Variants in FAM110B observed in about 807,000 individuals in gnomAD.
FAM110B encodes the protein family with sequence similarity 110 member B, also known as protein FAM110B.
In FAM110B, 6 loss-of-function variants were observed where a neutral mutation model predicts 20.4. That is an observed-to-expected ratio of 0.29 (90% CI 0.16 to 0.58). The LOEUF is 0.58. FAM110B is among the 20% of genes least tolerant of loss of function. The pLI, the probability that FAM110B is intolerant of heterozygous loss-of-function variation, is 0.90. For synonymous variants in FAM110B, 226 were observed against 214.1 expected (o/e 1.06, Z -0.49); for missense variants, 434 against 498.2 (o/e 0.87, Z 1.23).
chr8:58,106,431 G>A (rs1806920006), intron 3 of FAM110B: 1 of 152,138 alleles, frequency 6.6e-6, no homozygotes, highest in African/African-American at 2.4e-5. Flanking sequence ...GATGGAATTA[G>A]TCAACAAAGA....
intron 2 of FAM110B, among the ~76,000 whole-genome samples, chr8:58,044,666 A>G (rs1404267437): frequency 2.0e-5 from 3 of 152,186 alleles, no homozygotes; most frequent in Admixed American, 6.5e-5. Context: ...CAAATTAGAC[A>G]CTGACACAAT....
intron 3 of FAM110B, among the ~76,000 whole-genome samples, chr8:58,122,298 G>A (rs935080433): frequency 2.0e-5 from 3 of 152,020 alleles, no homozygotes; most frequent in Non-Finnish European, 4.4e-5. Flanking sequence ...TTGCCTTACT[G>A]TGGATTTTTT....
chr8:58,144,275 T>C (rs548235527), intron 3 of FAM110B, among the ~76,000 whole-genome samples: 1 of 152,344 alleles, frequency 6.6e-6, no homozygotes, highest in East Asian at 1.9e-4. Context: ...CTGCCTGTTC[T>C]GGCTCTGAGT....
intron 1 of FAM110B, among the ~76,000 whole-genome samples, chr8:58,006,916 TA>T (rs1392829554): frequency 9.1e-5 from 10 of 109,814 alleles, no homozygotes; most frequent in African/African-American, 3.1e-4. Flanking sequence ...TATATATATA[TA>T]TATATATTTT....
intron 3 of FAM110B, among the ~76,000 whole-genome samples, chr8:58,088,228 C>A (rs1335791884): frequency 6.6e-6 from 1 of 152,174 alleles, no homozygotes; most frequent in African/African-American, 2.4e-5. Context: ...AGGACAATCA[C>A]AATTTTAGTT....
chr8:58,087,708 T>G (rs1806372917), intron 3 of FAM110B, among the ~76,000 whole-genome samples: 1 of 152,202 alleles, frequency 6.6e-6, no homozygotes, highest in Non-Finnish European at 1.5e-5. Flanking sequence ...GGATTGAGAT[T>G]TGGGTCTCTC....
chr8:58,127,933 A>C (rs181304604), intron 3 of FAM110B, among the ~76,000 whole-genome samples: 2 of 152,294 alleles, frequency 1.3e-5, no homozygotes, highest in Non-Finnish European at 2.9e-5. Flanking sequence ...GGTTTTGGAG[A>C]TTCTCTTTTA....
chr8:58,065,837 G>A (rs572751974), intron 2 of FAM110B, among the ~76,000 whole-genome samples: 14 of 152,176 alleles, frequency 9.2e-5, no homozygotes, highest in South Asian at 2.1e-4. Flanking sequence ...TATATGTGAC[G>A]TTTCCTTTGC....
At chr8:58,080,309 C>G (rs1806157771) in intron 3 of FAM110B, among the ~76,000 whole-genome samples, 1 of 152,132 alleles carries the variant, frequency 6.6e-6, no homozygotes, top group South Asian at 2.1e-4. Flanking sequence ...ACATAAATGT[C>G]TGGTGGAATA....
chr8:58,087,515 G>A lies in FAM110B; in HGVS notation c.-325+11892G>A, dbSNP rs78711182. ...AAAAGGGACCTCTCAAAGCTACATG[G>A]GTCATAACTGGAAAAGCCAGGATAC... On this transcript the variant is annotated intron_variant, in intron 3 of 3. Transcript: ENST00000519262. Among the ~76,000 whole-genome samples, 332 of 152,228 alleles carry A rather than the reference G, an allele frequency of 2.2e-3. 1 individual carries two copies. The highest frequency in any genetic ancestry group is 3.5e-3 in the Non-Finnish European group (238 of 68,020).
chr8:58,026,316 T>C (rs763970475), intron 1 of FAM110B, among the ~76,000 whole-genome samples: 108 of 152,012 alleles, frequency 7.1e-4, no homozygotes, highest in Non-Finnish European at 1.3e-3. Context: ...TGATGAACTT[T>C]GTAAGGGCAA....
In FAM110B at chr8:58,119,991, G is replaced by A. The variant is rs1331426379; in HGVS notation, c.-324-25916G>A. Among the ~76,000 whole-genome samples, 5 of 152,108 alleles carry A rather than the reference G, an allele frequency of 3.3e-5. 1 individual carries two copies. The East Asian group carries it at 5.8e-4, about 18-fold the overall frequency. ...CAGAGCCCAGGGCCAAGCCAAGGTC[G>A]GTCCGACTTCCAAATTCATACCTTC... On this transcript the variant is annotated intron_variant, in intron 3 of 3. Coordinates refer to ENST00000519262, the MANE Select transcript of FAM110B (RefSeq NM_001377989.1).
chr8:58,094,313 CCTTGT>C (rs1441582402), intron 3 of FAM110B, among the ~76,000 whole-genome samples: 12 of 152,270 alleles, frequency 7.9e-5, no homozygotes, highest in African/African-American at 2.9e-4. Context: ...GAGAGGGCAT[CCTTGT>C]CTTGTGCAGG....
intron 2 of FAM110B, among the ~76,000 whole-genome samples, chr8:58,034,268 G>GT (rs1805031412): frequency 6.6e-6 from 1 of 152,192 alleles, no homozygotes; most frequent in South Asian, 2.1e-4. Flanking sequence ...GTATCATTGA[G>GT]TTGCCAGCTT....
At chr8:58,047,639 T>TCTCTCTCTCTCTCTCTCTCTCTTTTA (rs1173052599) in intron 2 of FAM110B, among the ~76,000 whole-genome samples, 1 of 144,014 alleles carries the variant, frequency 6.9e-6, no homozygotes. Context: ...TCTCTCTGAC[T>TCTCTCTCTCTCTCTCTCTCTCTTTTA]TATATAAATC....
At chr8:58,016,929 G>A (rs1171673867) in intron 1 of FAM110B, among the ~76,000 whole-genome samples, 1 of 152,180 alleles carries the variant, frequency 6.6e-6, no homozygotes, top group African/African-American at 2.4e-5. Flanking sequence ...CTGGAAGCAG[G>A]GAGTAGGGGG....
At chr8:58,033,797 A>G (rs1001455396) in intron 2 of FAM110B, among the ~76,000 whole-genome samples, 4 of 152,154 alleles carry the variant, frequency 2.6e-5, no homozygotes, top group South Asian at 2.1e-4. Flanking sequence ...TTCATCTGTC[A>G]TTAAGCTGTC....
At chr8:58,093,365 G>T (rs1806535965) in intron 3 of FAM110B, among the ~76,000 whole-genome samples, 1 of 152,134 alleles carries the variant, frequency 6.6e-6, no homozygotes, top group African/African-American at 2.4e-5. Flanking sequence ...TTTTCTTCTA[G>T]GGTTTTTATG....
At chr8:58,004,083 C>T (rs932308731) in intron 1 of FAM110B, among the ~76,000 whole-genome samples, 27 of 152,288 alleles carry the variant, frequency 1.8e-4, no homozygotes, top group African/African-American at 6.3e-4. Flanking sequence ...AAGCTCATTA[C>T]ATTTTTCATT....
Sources: allele counts gnomAD v4.1 joint callset (sites outside exome capture counted in the v4.1 genomes callset), GRCh38; gene constraint gnomAD v4.1.1; transcripts MANE v1.5; gene names NCBI Gene and HGNC (gene_info 2026-07-23, HGNC 2026-07-21).